The following COMMD10 variants were observed in gnomAD, a reference collection of about 807,000 sequenced individuals.
The protein encoded by COMMD10 is COMM domain containing 10.
Under a neutral mutation model 28.9 loss-of-function variants are expected in COMMD10, and 33 were observed. The observed-to-expected ratio is 1.14, with a 90% CI of 0.87 to 1.53. COMMD10 has a LOEUF of 1.53. Ranked by LOEUF, COMMD10 falls within the 40% of genes most tolerant of loss-of-function variation. The pLI, the probability that COMMD10 is intolerant of heterozygous loss-of-function variation, is 0.00. For synonymous variants in COMMD10, 110 were observed against 81.7 expected, an observed-to-expected ratio of 1.35 and a Z score of -1.87; for missense variants, 310 against 233.4, an observed-to-expected ratio of 1.33 and a Z score of -2.14.
At chr5:116,244,956 T>C (rs1198680866) in intron 5 of COMMD10, among the ~76,000 whole-genome samples, 1 of 151,254 alleles carries the variant, frequency 6.6e-6, no homozygotes, top group African/African-American at 2.4e-5. Flanking sequence ...ATCCCAAAGC[T>C]AGCAGTAGAC....
At chr5:116,198,069 A>T (rs1351287394) in intron 5 of COMMD10, among the ~76,000 whole-genome samples, 1 of 152,128 alleles carries the variant, frequency 6.6e-6, no homozygotes, top group African/African-American at 2.4e-5. Flanking sequence ...CACTTCACAC[A>T]TAATTTTTGT....
chr5:116,106,572 T>C (rs1580449150), intron 4 of COMMD10, among the ~76,000 whole-genome samples: 1 of 152,166 alleles, frequency 6.6e-6, no homozygotes, highest in South Asian at 2.1e-4. Context: ...CTGTCTAATA[T>C]TGATAGTGGG....
chr5:116,134,973 C>G (rs1316313172), intron 5 of COMMD10, among the ~76,000 whole-genome samples: 3 of 152,094 alleles, frequency 2.0e-5, no homozygotes, highest in Non-Finnish European at 4.4e-5. Context: ...TTCAGAACAA[C>G]TTGAACGTGA....
intron 5 of COMMD10, among the ~76,000 whole-genome samples, chr5:116,183,160 T>C (rs188398409): frequency 6.6e-6 from 1 of 152,272 alleles, no homozygotes; most frequent in Admixed American, 6.5e-5. Flanking sequence ...GAGAGGCCAT[T>C]GACTCACCAG....
intron 5 of COMMD10, among the ~76,000 whole-genome samples, chr5:116,277,200 G>A (rs1010166154): frequency 1.3e-5 from 2 of 151,714 alleles, no homozygotes; most frequent in Non-Finnish European, 2.9e-5. Flanking sequence ...GTACACAATA[G>A]ACATATTTCA....
At chr5:116,212,212 A>T (rs1313341734) in intron 5 of COMMD10, among the ~76,000 whole-genome samples, 1 of 152,202 alleles carries the variant, frequency 6.6e-6, no homozygotes, top group Non-Finnish European at 1.5e-5. Context: ...AGAAATAACC[A>T]TCTGTAGCAG....
intron 5 of COMMD10, among the ~76,000 whole-genome samples, chr5:116,201,960 A>G (rs994947530): frequency 4.0e-5 from 6 of 151,848 alleles, no homozygotes; most frequent in African/African-American, 1.5e-4. Flanking sequence ...ATATGTATAC[A>G]TGTGCCATGC....
At chr5:116,123,398 C>G (rs1218930846) in intron 4 of COMMD10, among the ~76,000 whole-genome samples, 1 of 152,106 alleles carries the variant, frequency 6.6e-6, no homozygotes, top group Non-Finnish European at 1.5e-5. Flanking sequence ...TTGAACCAGC[C>G]TTGTATCCCA....
chr5:116,292,557 C>G lies in COMMD10; in HGVS notation c.*68C>G, dbSNP rs1561412347. ...ATTATTTTGCATTGAAGATACATTG[C>G]CAGGTTGTGTTTTCTGAAGGATTCA... On this transcript the variant is annotated 3_prime_UTR_variant, in exon 7 of 7. Coordinates refer to ENST00000274458, the MANE Select transcript of COMMD10 (RefSeq NM_016144.4). The G allele has an allele frequency of 4.5e-6, 6 of 1,342,846 alleles. No individual in the cohort carries two copies. In the Admixed American group the frequency reaches 6.3e-5, roughly 14 times the overall value. The allele number at this position is 1,342,846 out of a possible 1,614,324, so 83.2% of individuals were successfully genotyped here. A position where few individuals can be genotyped will look rare whatever the true frequency, so the allele number is the denominator to read the frequency against.
At chr5:116,148,328 G>C (rs758863085) in intron 5 of COMMD10, among the ~76,000 whole-genome samples, 1 of 151,754 alleles carries the variant, frequency 6.6e-6, no homozygotes, top group Admixed American at 6.6e-5. Flanking sequence ...ATGAGATTTT[G>C]CTCCTTCCCT....
chr5:116,213,066 TA>T (rs749707674), intron 5 of COMMD10, among the ~76,000 whole-genome samples: 2 of 152,102 alleles, frequency 1.3e-5, no homozygotes, highest in Non-Finnish European at 2.9e-5. Context: ...TAATATGCTT[TA>T]TTTTTTGATT....
rs1041844707 is a variant in COMMD10, at chr5:116,269,751, G to T, written c.511-21766G>T. Among the ~76,000 whole-genome samples the T allele has an allele frequency of 8.6e-5, 13 of 151,814 alleles. 1 individual carries two copies. The highest frequency in any genetic ancestry group is 2.9e-4 in the African/African-American group (12 of 41,168). The stretch of plus-strand genomic sequence containing the variant: ...ATTTTTGCCAATTATTTTGGTTGCT[G>T]AGGTTGTAAGCCATCTTGGTTTGCT... On this transcript the variant is annotated intron_variant, in intron 5 of 6. Transcript: ENST00000274458.
intron 4 of COMMD10, among the ~76,000 whole-genome samples, chr5:116,125,440 C>T (rs187310129): frequency 1.6e-4 from 24 of 152,250 alleles, no homozygotes; most frequent in African/African-American, 5.5e-4. Context: ...GGTGGGTTTC[C>T]CTTTGTGGGT....
chr5:116,126,027 C>A (rs1751620315), intron 4 of COMMD10, among the ~76,000 whole-genome samples: 1 of 152,166 alleles, frequency 6.6e-6, no homozygotes, highest in Non-Finnish European at 1.5e-5. Context: ...ATTTAGAAAA[C>A]CCCATTGTCT....
chr5:116,267,930 C>A (rs1234875745), intron 5 of COMMD10, among the ~76,000 whole-genome samples: 2 of 151,736 alleles, frequency 1.3e-5, no homozygotes, highest in Admixed American at 1.3e-4. Context: ...CTTCCTTACA[C>A]CTTATACAAA....
chr5:116,282,470 A>G (rs565981145), intron 5 of COMMD10, among the ~76,000 whole-genome samples: 4 of 151,940 alleles, frequency 2.6e-5, no homozygotes, highest in Non-Finnish European at 5.9e-5. Flanking sequence ...TCTTATATCT[A>G]AAACTCTATA....
At chr5:116,123,493 G>A (rs1751513592) in intron 4 of COMMD10, among the ~76,000 whole-genome samples, 1 of 152,084 alleles carries the variant, frequency 6.6e-6, no homozygotes, top group Non-Finnish European at 1.5e-5. Flanking sequence ...GAGGATTTTT[G>A]CATCAATGTT....
At chr5:116,105,495 C>G (rs188575180) in intron 4 of COMMD10, among the ~76,000 whole-genome samples, 176 of 152,256 alleles carry the variant, frequency 1.2e-3, no homozygotes, top group Middle Eastern at 3.4e-3. Flanking sequence ...GAAGGATTCC[C>G]TCTTTTTCTG....
At chr5:116,221,420 C>T (rs747936509) in intron 5 of COMMD10, among the ~76,000 whole-genome samples, 7 of 152,080 alleles carry the variant, frequency 4.6e-5, no homozygotes, top group Non-Finnish European at 8.8e-5. Flanking sequence ...TATATTGGTC[C>T]GTTACTGTAG....
Sources: gnomAD v4.1 joint callset for allele counts (sites outside exome capture counted in the v4.1 genomes callset) on GRCh38, gnomAD v4.1.1 for gene constraint, MANE v1.5 for transcripts, NCBI Gene and HGNC (gene_info 2026-07-23, HGNC 2026-07-21) for gene names.